The following BCAS3 variants were observed in gnomAD, a reference collection of about 807,000 sequenced individuals.
BCAS3 encodes the protein BCAS4/BCAS3 fusion.
In BCAS3, 53 loss-of-function variants were observed where a neutral mutation model predicts 116.1. The ratio of observed to expected loss-of-function variants is 0.46; its 90% CI spans 0.37 to 0.57. The LOEUF (loss-of-function observed/expected upper bound fraction) is 0.57, where lower values mean the gene tolerates loss of function less well. BCAS3 is among the 20% of genes least tolerant of loss of function. BCAS3 has a pLI of 0.00. For synonymous variants in BCAS3, 391 were observed against 408.2 expected, an observed-to-expected ratio of 0.96 and a Z score of 0.51; for missense variants, 917 against 1,165.4, an observed-to-expected ratio of 0.79 and a Z score of 3.10.
At chr17:60,787,251 T>C (rs2046359184) in intron 6 of BCAS3, among the ~76,000 whole-genome samples, 1 of 152,324 alleles carries the variant, frequency 6.6e-6, no homozygotes, top group Non-Finnish European at 1.5e-5. Flanking sequence ...CCTGTAAAGA[T>C]AGCATTTCTG....
chr17:60,795,865 T>G (rs2047170027), intron 6 of BCAS3, among the ~76,000 whole-genome samples: 1 of 152,046 alleles, frequency 6.6e-6, no homozygotes, highest in Non-Finnish European at 1.5e-5. Flanking sequence ...AATTTTTGTG[T>G]TTTTAGTAGA....
rs2050936353 is a variant in BCAS3 at position 61,278,187 on chromosome 17, C to T, written c.2426-90140C>T. Among the ~76,000 whole-genome samples, 1 of 152,186 alleles carries T rather than the reference C, an allele frequency of 6.6e-6. No homozygotes were observed. Among genetic ancestry groups the T allele is most frequent in the African/African-American group, 2.4e-5 (1 of 41,436 alleles). ...CCTCCCGAGTAGCTGGGATTACAGA[C>T]ACATGCCACGATGCCCAGCTAATTT... On this transcript the variant is annotated intron_variant, in intron 22 of 23. Coordinates refer to ENST00000407086, the MANE Select transcript of BCAS3 (RefSeq NM_017679.5). The surrounding 1 kb of genome is among the most constrained non-coding windows in gnomAD (Gnocchi z 5.8).
rs1456850745 is a variant in BCAS3 at position 60,889,867 on chromosome 17, A to G, written c.738+96A>G. The G allele has an allele frequency of 2.6e-6, 3 of 1,143,510 alleles. No homozygotes were observed. The African/African-American group carries it at 4.6e-5, about 18-fold the overall frequency. The allele number at this position is 1,143,510 out of a possible 1,614,324, so 70.8% of individuals were successfully genotyped here. ...TGTGCTCCATAGTTGATTACCAATA[A>G]TAAATGTTTTACTTACTAGTTCATT... On this transcript the variant is annotated intron_variant, in intron 10 of 23. Coordinates refer to ENST00000407086, the MANE Select transcript of BCAS3 (RefSeq NM_017679.5).
chr17:60,938,460 T>C (rs1268544548), intron 13 of BCAS3, among the ~76,000 whole-genome samples: 1 of 152,182 alleles, frequency 6.6e-6, no homozygotes, highest in African/African-American at 2.4e-5. Context: ...GCGGTATCTT[T>C]TGGTGGAAAA....
intron 22 of BCAS3, among the ~76,000 whole-genome samples, chr17:61,342,734 T>G (rs1269160840): frequency 6.6e-6 from 1 of 151,192 alleles, no homozygotes; most frequent in Non-Finnish European, 1.5e-5. Context: ...ATGTACTGTA[T>G]GAAGAGATTT....
intron 14 of BCAS3, among the ~76,000 whole-genome samples, chr17:60,977,283 G>A (rs1049000060): frequency 1.7e-4 from 26 of 152,058 alleles, no homozygotes; most frequent in Non-Finnish European, 2.9e-5. Flanking sequence ...GGGCACCAGC[G>A]ATCCTCCCAC....
intron 19 of BCAS3, among the ~76,000 whole-genome samples, chr17:61,052,566 T>C (rs1372164829): frequency 1.3e-5 from 2 of 152,270 alleles, no homozygotes; most frequent in African/African-American, 4.8e-5. Flanking sequence ...CTTTGGGAAT[T>C]AGAAAAGAGA....
chr17:60,850,343 C>CCG (rs2052979691), intron 7 of BCAS3, among the ~76,000 whole-genome samples: 1 of 95,654 alleles, frequency 1.0e-5, no homozygotes, highest in African/African-American at 5.1e-5. Context: ...CCTGGCACCA[C>CCG]TGTTTTTTTT....
intron 5 of BCAS3, among the ~76,000 whole-genome samples, chr17:60,714,001 T>C (rs1166872128): frequency 6.6e-6 from 1 of 151,938 alleles, no homozygotes; most frequent in Non-Finnish European, 1.5e-5. Flanking sequence ...GCCAGGCTAA[T>C]TTTTGTATTT....
In BCAS3 at chr17:61,391,709, C is replaced by A. The variant is rs879609761; in HGVS notation, c.2594-268C>A. On this transcript the variant is annotated intron_variant, in intron 23 of 23. Transcript: ENST00000407086. This position sits in a 1 kb window ranked among gnomAD's most constrained non-coding sequence, Gnocchi z 7.7. ...AGTCCACACACATCGTCAGGGTGGC[C>A]GTGCTTCGGGCCTAAAGGGCTTCCC... 1 of 469,294 alleles carries A rather than the reference C, an allele frequency of 2.1e-6. No homozygotes were observed. The highest frequency in any genetic ancestry group is 3.9e-6 in the Non-Finnish European group (1 of 259,458). 29.1% of individuals were successfully genotyped at this position (469,294 alleles called of 1,614,324 possible). A position where few individuals can be genotyped will look rare whatever the true frequency, so the allele number is the denominator to read the frequency against.
Position 61,213,825 on chromosome 17 carries a change from A to G in BCAS3, c.2425+129261A>G, listed in dbSNP as rs73326855. Among the ~76,000 whole-genome samples the G allele has an allele frequency of 0.028, 4,286 of 152,266 alleles. 209 individuals carry two copies. Among genetic ancestry groups the G allele is most frequent in the African/African-American group, 0.098 (4,072 of 41,532 alleles). On this transcript the variant is annotated intron_variant, in intron 22 of 23. Coordinates refer to ENST00000407086, the MANE Select transcript of BCAS3 (RefSeq NM_017679.5). This position sits in a 1 kb window ranked among gnomAD's most constrained non-coding sequence, Gnocchi z 5.4. ...TCACAGCTCCCAACATGTGATTATAAGGGTAGCAGGCAGGAAAGAATTTAA... is the reference window on the plus strand; with the variant it reads ...TCACAGCTCCCAACATGTGATTATAGGGGTAGCAGGCAGGAAAGAATTTAA...
chr17:61,306,647 A>G (rs371837780), intron 22 of BCAS3, among the ~76,000 whole-genome samples: 2 of 152,072 alleles, frequency 1.3e-5, no homozygotes, highest in East Asian at 1.9e-4. Context: ...ATGGTGGTAC[A>G]TGCTTAGAGT....
At chr17:61,061,662 T>C (rs2070054754) in intron 19 of BCAS3, among the ~76,000 whole-genome samples, 1 of 152,242 alleles carries the variant, frequency 6.6e-6, no homozygotes, top group African/African-American at 2.4e-5. Context: ...TTATCAAGTA[T>C]ATTTTAGAGT....
intron 22 of BCAS3, among the ~76,000 whole-genome samples, chr17:61,237,868 A>G (rs2083187770): frequency 6.6e-6 from 1 of 152,166 alleles, no homozygotes; most frequent in Admixed American, 6.5e-5. Flanking sequence ...TAGATTAGCC[A>G]TATTTTTATA....
intron 22 of BCAS3, among the ~76,000 whole-genome samples, chr17:61,102,152 A>G (rs2074367680): frequency 6.6e-6 from 1 of 152,180 alleles, no homozygotes; most frequent in South Asian, 2.1e-4. Context: ...TAGCTGAGAC[A>G]AAATTATTTT....
Position 60,874,690 on chromosome 17 carries a change from A to G in BCAS3, c.613A>G (p.Ile205Val). Residue 205 changes from isoleucine to valine, a missense_variant, in exon 9 of 24, where the codon ATT (isoleucine) becomes GTT (valine). Coordinates refer to ENST00000407086, the MANE Select transcript of BCAS3 (RefSeq NM_017679.5). The part of the protein sequence containing the change: ...RILVVVLQEK[I>V]AAFDSCTFTK... Reference sequence around the variant, plus strand: ...CCTTGTCGTAGTCTTGCAGGAGAAAATTGCTGCCTTTGATAGCTGTACTTT... The same window carrying G: ...CCTTGTCGTAGTCTTGCAGGAGAAAGTTGCTGCCTTTGATAGCTGTACTTT... The G allele has an allele frequency of 6.2e-7, 1 of 1,611,838 alleles. No homozygotes were observed. The highest frequency in any genetic ancestry group is 1.7e-4 in the Middle Eastern group (1 of 6,046).
At chr17:60,770,834 GTTT>G (rs60854011) in intron 6 of BCAS3, among the ~76,000 whole-genome samples, 37 of 76,784 alleles carry the variant, frequency 4.8e-4, no homozygotes, top group African/African-American at 1.1e-3. Flanking sequence ...ACTGAAATTT[GTTT>G]TTTTTTTTTT....
intron 22 of BCAS3, among the ~76,000 whole-genome samples, chr17:61,090,826 T>A (rs183350637): frequency 6.6e-6 from 1 of 152,230 alleles, no homozygotes; most frequent in African/African-American, 2.4e-5. Flanking sequence ...CCCAGCTAAC[T>A]TTTGTATTTT....
At chr17:60,854,893 T>C (rs1357828578) in intron 7 of BCAS3, among the ~76,000 whole-genome samples, 1 of 151,824 alleles carries the variant, frequency 6.6e-6, no homozygotes, top group East Asian at 1.9e-4. Context: ...TAACAAACTG[T>C]GGTATATTCA....
Sources: gnomAD v4.1 joint callset for allele counts (sites outside exome capture counted in the v4.1 genomes callset) on GRCh38, gnomAD v4.1.1 for gene constraint, Gnocchi (gnomAD v3.1) non-coding constraint, MANE v1.5 for transcripts, NCBI Gene and HGNC (gene_info 2026-07-23, HGNC 2026-07-21) for gene names.